Variants in ANO1 observed in about 807,000 individuals in gnomAD.
ANO1 encodes anoctamin 1.
ANO1 carries 59 observed loss-of-function variants against 124.0 expected under a neutral mutation model. The observed-to-expected ratio is 0.48, with a 90% CI of 0.39 to 0.59. ANO1 has a LOEUF of 0.59. ANO1 is among the 20% of genes least tolerant of loss of function. The probability of loss-of-function intolerance (pLI) is 0.00; values close to 1 mark genes in which losing one functional copy is unlikely to be tolerated. For missense variants in ANO1, 1,059 were observed against 1,328.0 expected (o/e 0.80, Z 3.15); for synonymous variants, 529 against 532.0 (o/e 0.99, Z 0.08).
chr11:70,160,587 G>A (rs917402046), intron 16 of ANO1, among the ~76,000 whole-genome samples: 2 of 152,132 alleles, frequency 1.3e-5, no homozygotes, highest in African/African-American at 4.8e-5. Context: ...TCTCCAGCCA[G>A]ACCCAAAGCC....
At chr11:70,062,063 CTTTCTTTTTTTTTT>C (rs1469486122) in intron 1 of ANO1, among the ~76,000 whole-genome samples, 1 of 76,700 alleles carries the variant, frequency 1.3e-5, no homozygotes, top group Non-Finnish European at 2.9e-5. Flanking sequence ...CTCTTTCCTT[CTTTCTTTTTTTTTT>C]TTTTTTTTTT....
chr11:70,031,146 T>C (rs1555003770), intron 1 of ANO1, among the ~76,000 whole-genome samples: 1 of 152,208 alleles, frequency 6.6e-6, no homozygotes, highest in East Asian at 1.9e-4. Flanking sequence ...AGTTTCACCA[T>C]GTTGCCCAGG....
At chr11:70,086,042 C>T (rs943399106) in intron 1 of ANO1, among the ~76,000 whole-genome samples, 3 of 152,220 alleles carry the variant, frequency 2.0e-5, no homozygotes, top group Admixed American at 6.5e-5. Context: ...CGCAGCATGC[C>T]GTCCCTGCAC....
intron 1 of ANO1, among the ~76,000 whole-genome samples, chr11:70,080,151 C>G (rs1354361202): frequency 6.6e-6 from 1 of 152,260 alleles, no homozygotes; most frequent in Non-Finnish European, 1.5e-5. Flanking sequence ...GTGACAGGGA[C>G]TATTCCATAG....
intron 1 of ANO1, among the ~76,000 whole-genome samples, chr11:70,083,593 A>G (rs921866059): frequency 4.6e-5 from 7 of 152,136 alleles, no homozygotes; most frequent in African/African-American, 1.7e-4. Flanking sequence ...TCAACTTGAT[A>G]GAGGATTTTT....
At chr11:70,160,773 G>A (rs556302088) in intron 16 of ANO1, among the ~76,000 whole-genome samples, 193 of 152,340 alleles carry the variant, frequency 1.3e-3, no homozygotes, top group African/African-American at 4.3e-3. Flanking sequence ...CTGGCATGGC[G>A]GCCATACTGT....
chr11:70,057,475 G>C (rs1450996050), intron 1 of ANO1, among the ~76,000 whole-genome samples: 1 of 151,734 alleles, frequency 6.6e-6, no homozygotes, highest in Non-Finnish European at 1.5e-5. Context: ...GAGCAATAAA[G>C]CTTTTTAATC....
intron 1 of ANO1, among the ~76,000 whole-genome samples, chr11:70,049,216 C>T (rs530164296): frequency 2.6e-5 from 4 of 152,302 alleles, no homozygotes; most frequent in African/African-American, 9.6e-5. Flanking sequence ...ACCACCAGCG[C>T]TTCTCAATGC....
At chr11:70,007,480 G>A (rs572632587) in intron 1 of ANO1, among the ~76,000 whole-genome samples, 11 of 152,084 alleles carry the variant, frequency 7.2e-5, no homozygotes, top group Non-Finnish European at 1.3e-4. Context: ...GTTTCACCAT[G>A]TTAGCCAGGA....
chr11:70,187,083 G>T (rs1208097135), intron 25 of ANO1, among the ~76,000 whole-genome samples: 1 of 152,210 alleles, frequency 6.6e-6, no homozygotes, highest in African/African-American at 2.4e-5. Context: ...ATGGGATGGG[G>T]CATAAGTTCT....
At chr11:70,055,368 C>T (rs1465514708) in intron 1 of ANO1, among the ~76,000 whole-genome samples, 1 of 151,998 alleles carries the variant, frequency 6.6e-6, no homozygotes, top group Non-Finnish European at 1.5e-5. Flanking sequence ...TTGATATATA[C>T]ATAATTTAAA....
chr11:70,060,169 G>A (rs1466911421), intron 1 of ANO1, among the ~76,000 whole-genome samples: 1 of 152,124 alleles, frequency 6.6e-6, no homozygotes, highest in Non-Finnish European at 1.5e-5. Flanking sequence ...AATGGTTATG[G>A]AGGAAGTGGA....
At chr11:70,163,501 G>C (rs989698069) in intron 19 of ANO1, 161 bp downstream of exon 19, 2 of 829,428 alleles carry the variant, frequency 2.4e-6, no homozygotes, top group African/African-American at 3.4e-5. Context: ...TGATGTGGTG[G>C]GGTGGGCTTT....
In ANO1 at chr11:70,137,611, G is replaced by A. The variant is rs2046999842; in HGVS notation, c.1258+5532G>A. On this transcript the variant is annotated intron_variant, in intron 11 of 25. Coordinates refer to ENST00000355303, the MANE Select transcript of ANO1 (RefSeq NM_018043.7). The stretch of plus-strand genomic sequence containing the variant: ...CAGCGGGGCCCGGCCTGCCCTGGCA[G>A]CCCACTTGACGGTCACTGGATTACT... 1.4e-5 allele frequency among the ~76,000 whole-genome samples: 2 copies of A among 145,924 alleles called. 1 individual carries two copies. The highest frequency in any genetic ancestry group is 3.0e-5 in the Non-Finnish European group (2 of 65,610).
chr11:70,024,582 C>G (rs148403908), intron 1 of ANO1, among the ~76,000 whole-genome samples: 1,649 of 152,312 alleles, frequency 0.011, 12 homozygotes, highest in Non-Finnish European at 0.014. Flanking sequence ...TGCTTTCATC[C>G]TTGCAATACC....
At chr11:70,033,767 A>T (rs564288112) in intron 1 of ANO1, among the ~76,000 whole-genome samples, 1 of 152,098 alleles carries the variant, frequency 6.6e-6, no homozygotes, top group Non-Finnish European at 1.5e-5. Flanking sequence ...ATGCTCATTC[A>T]TTCCATATTG....
At chr11:70,114,564 A>G (rs2045907126) in intron 7 of ANO1, among the ~76,000 whole-genome samples, 1 of 151,924 alleles carries the variant, frequency 6.6e-6, no homozygotes, top group Non-Finnish European at 1.5e-5. Flanking sequence ...CCCCCTTCCA[A>G]TCCTGTGCTT....
intron 18 of ANO1, among the ~76,000 whole-genome samples, chr11:70,162,066 C>T (rs145945537): frequency 0.014 from 2,091 of 145,048 alleles, 21 homozygotes; most frequent in Non-Finnish European, 0.019. Flanking sequence ...AGTGAGGACC[C>T]GGCAGTGAGG....
chr11:70,070,037 C>G (rs1279659234), intron 1 of ANO1, among the ~76,000 whole-genome samples: 1 of 152,170 alleles, frequency 6.6e-6, no homozygotes, highest in African/African-American at 2.4e-5. Context: ...TGCTGTTGGC[C>G]ATTAATGCAT....
Sources: allele counts gnomAD v4.1 joint callset (sites outside exome capture counted in the v4.1 genomes callset), GRCh38; gene constraint gnomAD v4.1.1; transcripts MANE v1.5; gene names NCBI Gene and HGNC (gene_info 2026-07-23, HGNC 2026-07-21).